PCDHGA11: variants seen among roughly 807,000 people sequenced by gnomAD.
PCDHGA11 encodes protocadherin gamma subfamily A, 11.
Under a neutral mutation model 60.4 loss-of-function variants are expected in PCDHGA11, and 39 were observed. The ratio of observed to expected loss-of-function variants is 0.65; its 90% confidence interval spans 0.50 to 0.84. The LOEUF is 0.84. PCDHGA11 is among the 40% of genes least tolerant of loss of function. The probability of loss-of-function intolerance (pLI) is 0.00; values close to 1 mark genes in which losing one functional copy is unlikely to be tolerated. For synonymous variants in PCDHGA11, 533 were observed against 510.3 expected (o/e 1.04, Z -0.60); for missense variants, 1,165 against 1,197.7 (o/e 0.97, Z 0.40).
Position 141,490,254 on chromosome 5 carries a change from G to A in PCDHGA11, c.2434-4553G>A. The A allele has an allele frequency of 6.2e-7, 1 of 1,614,236 alleles. No homozygotes were observed. Among genetic ancestry groups the A allele is most frequent in the Non-Finnish European group, 8.5e-7 (1 of 1,180,038 alleles). ...TGGAGGGCCACTGTGTGATTCAAGT[G>A]GATGTGGGGGATGTCAATGACAATG... On this transcript the variant is annotated intron_variant, in intron 1 of 3. Coordinates refer to ENST00000398587, the MANE Select transcript of PCDHGA11 (RefSeq NM_018914.3). The surrounding 1 kb of genome is among the most constrained non-coding windows in gnomAD (Gnocchi z 5.4).
rs755656791 is a variant in PCDHGA11, at chr5:141,422,013, G to A, written c.786G>A (p.Val262=). The change falls in exon 1 of 4, where the codon GTG becomes GTA. Residue 262 remains valine (V), a synonymous_variant. Coordinates refer to ENST00000398587, the MANE Select transcript of PCDHGA11 (RefSeq NM_018914.3). ...VPENISSGTR[V]LMVNATDPDE... ...AAAACATCAGCTCCGGAACTCGGGT[G>A]CTGATGGTTAATGCAACGGATCCAG... is the stretch of plus-strand genomic sequence containing the variant. The A allele has an allele frequency of 6.2e-7, 1 of 1,610,536 alleles. No individual in the cohort carries two copies.
chr5:141,482,205 C>A (rs1478729653), intron 1 of PCDHGA11, among the ~76,000 whole-genome samples: 1 of 151,896 alleles, frequency 6.6e-6, no homozygotes, highest in Non-Finnish European at 1.5e-5. Context: ...TAAAACAGAC[C>A]AGGTACTTGT....
chr5:141,427,887 C>G, intron 1 of PCDHGA11: 1 of 1,565,908 alleles, frequency 6.4e-7, no homozygotes, highest in South Asian at 1.1e-5. Flanking sequence ...GGCCCACGAC[C>G]AGGGCTCGCC....
chr5:141,452,002 T>C (rs965343762), intron 1 of PCDHGA11, among the ~76,000 whole-genome samples: 1 of 152,220 alleles, frequency 6.6e-6, no homozygotes, highest in African/African-American at 2.4e-5. Context: ...GCAAAATCAC[T>C]TGGTCCAGCC....
In PCDHGA11 at chr5:141,453,101, TTTTTG is replaced by T. The variant is rs879618609; in HGVS notation, c.2433+29466_2433+29470del. ...GTTGATTAGTATATTTTCTGTTGCT[TTTTTG>T]TTTTGTTTTGTTTTGTTTTGTTTTT... On this transcript the variant is annotated intron_variant, in intron 1 of 3. Transcript: ENST00000398587. 4.4e-4 allele frequency among the ~76,000 whole-genome samples: 67 copies of T among 152,130 alleles called. 1 individual carries two copies. Among genetic ancestry groups the T allele is most frequent in the African/African-American group, 1.4e-3 (58 of 41,484 alleles).
chr5:141,451,579 A>G (rs1222576609), intron 1 of PCDHGA11, among the ~76,000 whole-genome samples: 1 of 152,084 alleles, frequency 6.6e-6, no homozygotes, highest in Non-Finnish European at 1.5e-5. Flanking sequence ...TTATAAACCT[A>G]ATTTTGAAAG....
chr5:141,444,082 A>G (rs942113441), intron 1 of PCDHGA11, among the ~76,000 whole-genome samples: 2 of 151,044 alleles, frequency 1.3e-5, no homozygotes, highest in African/African-American at 2.4e-5. Flanking sequence ...TCACCTGAAA[A>G]GTCTGCTAAG....
chr5:141,450,734 G>A (rs1365470415), intron 1 of PCDHGA11, among the ~76,000 whole-genome samples: 6 of 151,868 alleles, frequency 4.0e-5, no homozygotes, highest in South Asian at 2.1e-4. Context: ...TGATCCGCCC[G>A]CCTTGGCCTC....
At position 141,485,729 on chromosome 5, in the gene PCDHGA11, A is replaced by G. The variant is rs2099618322; in HGVS notation, c.2434-9078A>G. 6.2e-7 allele frequency: 1 copy of G among 1,614,092 alleles called. No individual in the cohort carries two copies. The highest frequency in any genetic ancestry group is 1.1e-5 in the South Asian group (1 of 91,094). ...CTTTGCACTGGATGTGAAGAAGCGCAGCGACGGCAGCCTGGTCCCAGAGCT... is the reference window on the plus strand; with the variant it reads ...CTTTGCACTGGATGTGAAGAAGCGCGGCGACGGCAGCCTGGTCCCAGAGCT... On this transcript the variant is annotated intron_variant, in intron 1 of 3. Coordinates refer to ENST00000398587, the MANE Select transcript of PCDHGA11 (RefSeq NM_018914.3). This position sits in a 1 kb window ranked among gnomAD's most constrained non-coding sequence, Gnocchi z 5.7.
chr5:141,458,567 TTTTG>T (rs144471304), intron 1 of PCDHGA11, among the ~76,000 whole-genome samples: 42,006 of 151,504 alleles, frequency 0.28, 6,493 homozygotes, highest in African/African-American at 0.43. Context: ...GGTTTTGGGT[TTTTG>T]TTTGTTTGTT....
chr5:141,470,242 T>G (rs1301513342), intron 1 of PCDHGA11, among the ~76,000 whole-genome samples: 1 of 152,226 alleles, frequency 6.6e-6, no homozygotes, highest in African/African-American at 2.4e-5. Flanking sequence ...CCCTTGAATG[T>G]CCCACCTGTC....
chr5:141,505,249 G>T, intron 2 of PCDHGA11, 144 bp from the exon 3 acceptor site: 1 of 1,447,748 alleles, frequency 6.9e-7, no homozygotes, highest in Non-Finnish European at 9.2e-7. Flanking sequence ...GATTGTAGAA[G>T]TGCCTCCTAC....
chr5:141,441,918 C>A (rs1183933153), intron 1 of PCDHGA11: 8 of 351,246 alleles, frequency 2.3e-5, no homozygotes, highest in African/African-American at 1.1e-4. Flanking sequence ...ATGTGAGACA[C>A]AATGCGTGGC....
intron 1 of PCDHGA11, chr5:141,426,767 A>C (rs1219028777): frequency 2.2e-6 from 1 of 456,666 alleles, no homozygotes. Flanking sequence ...ATGCAGATGT[A>C]GGGCCTCACT....
intron 1 of PCDHGA11, among the ~76,000 whole-genome samples, chr5:141,429,377 G>GTT (rs566693637): frequency 2.2e-4 from 33 of 149,524 alleles, no homozygotes; most frequent in South Asian, 1.5e-3. Context: ...GAGAAAATGT[G>GTT]TTTTTTTTTT....
chr5:141,496,943 T>C (rs1023861484), intron 2 of PCDHGA11, among the ~76,000 whole-genome samples: 2 of 151,258 alleles, frequency 1.3e-5, no homozygotes, highest in African/African-American at 2.4e-5. Flanking sequence ...CCCAGCACTT[T>C]GGGAGGCCAA....
chr5:141,423,613 GA>G lies in PCDHGA11; in HGVS notation c.2388del (p.Asp797ThrfsTer6), dbSNP rs1164845631. 1.9e-6 allele frequency: 3 copies of G among 1,610,782 alleles called. No individual in the cohort carries two copies. Among genetic ancestry groups the G allele is most frequent in the Admixed American group, 1.7e-5 (1 of 59,704 alleles). On this transcript the variant is annotated frameshift_variant, in exon 1 of 4. Coordinates refer to ENST00000398587, the MANE Select transcript of PCDHGA11 (RefSeq NM_018914.3). LOFTEE classifies it high-confidence loss of function. The stretch of plus-strand genomic sequence containing the variant: ...GAAAAGCGAGCCACTCTTGATAGCT[GA>G]AGACTCAGCTATCATTTTAGGCAAA... ...CEKSEPLLIA[E>X]DSAIILGKCD... is the part of the protein sequence containing the mutation.
rs1219684339 is a variant in PCDHGA11, at chr5:141,506,444, CAA to C, written c.2581+983_2581+984del. Among the ~76,000 whole-genome samples the C allele has an allele frequency of 5.9e-3, 564 of 95,004 alleles. 2 individuals carry two copies. The highest frequency in any genetic ancestry group is 0.013 in the African/African-American group (317 of 25,186). 62.3% of individuals were successfully genotyped at this position (95,004 alleles called of 152,430 possible). Reference sequence around the variant, plus strand: ...CCTGGGCAACAGTCTCGCTCTGTCTCAAAAAAAAAAAAAAAAAAAAAGAGCAC... The same window carrying C: ...CCTGGGCAACAGTCTCGCTCTGTCTCAAAAAAAAAAAAAAAAAAAGAGCAC... On this transcript the variant is annotated intron_variant, in intron 3 of 3. Transcript: ENST00000398587.
At chr5:141,478,087 C>T in intron 1 of PCDHGA11, 1 of 1,614,134 alleles carries the variant, frequency 6.2e-7, no homozygotes, top group East Asian at 2.2e-5. Flanking sequence ...CTTCGCTCTC[C>T]ACCACTGCTA....
Sources: allele counts gnomAD v4.1 joint callset (sites outside exome capture counted in the v4.1 genomes callset), GRCh38; gene constraint gnomAD v4.1.1; non-coding constraint Gnocchi (gnomAD v3.1); transcripts MANE v1.5; gene names NCBI Gene and HGNC (gene_info 2026-07-23, HGNC 2026-07-21).